CDCA5: variants seen among roughly 807,000 people sequenced by gnomAD.
CDCA5 encodes the protein sororin.
Under a neutral mutation model 25.7 loss-of-function variants are expected in CDCA5, and 14 were observed. That is an observed-to-expected ratio of 0.54 (90% CI 0.36 to 0.85). The LOEUF (loss-of-function observed/expected upper bound fraction) is 0.85, where lower values mean the gene tolerates loss of function less well. Among genes scored for constraint, CDCA5 ranks in the 40% least tolerant of loss-of-function variants. The pLI is 0.01. For missense variants in CDCA5, 307 were observed against 324.5 expected (o/e 0.95, Z 0.41); for synonymous variants, 127 against 128.7 (o/e 0.99, Z 0.09).
chr11:65,067,801 A>C, intron 3 of CDCA5: 1 of 796,774 alleles, frequency 1.3e-6, no homozygotes, highest in Non-Finnish European at 1.8e-6. Context: ...CTAGGGGATG[A>C]GGGAAGTGGG....
chr11:65,077,566 C>A lies in CDCA5; in HGVS notation c.*1541G>T, dbSNP rs529837725. Reference sequence around the variant, plus strand: ...GAGAACTTTGCAATGATGATCTCAACTCTGCATCATCTGGTGACTCCTGAT... The same window carrying A: ...GAGAACTTTGCAATGATGATCTCAAATCTGCATCATCTGGTGACTCCTGAT... On this transcript the variant is annotated 3_prime_UTR_variant, in exon 6 of 6. Transcript: ENST00000275517. 3.1e-5 allele frequency: 31 copies of A among 985,416 alleles called. No homozygotes were observed. The South Asian group carries it at 1.4e-3, about 45-fold the overall frequency. The allele number at this position is 985,416 out of a possible 1,614,324, so 61.0% of individuals were successfully genotyped here.
chr11:65,083,040 C>T (rs1255994585), intron 4 of CDCA5, among the ~76,000 whole-genome samples: 2 of 152,120 alleles, frequency 1.3e-5, no homozygotes, highest in Non-Finnish European at 2.9e-5. Flanking sequence ...GTAAAAATGT[C>T]ATACACATGA....
chr11:65,066,955 C>T (rs1947250640), intron 4 of CDCA5: 1 of 1,089,414 alleles, frequency 9.2e-7, no homozygotes, highest in African/African-American at 1.6e-5. Flanking sequence ...CCTCCCACCT[C>T]CTGCTTCAGC....
chr11:65,083,172 G>A, intron 4 of CDCA5, 192 bp downstream of exon 4: 1 of 620,198 alleles, frequency 1.6e-6, no homozygotes. Context: ...AAATACACAA[G>A]GCATAAAAAG....
chr11:65,082,995 T>A (rs1947604483), intron 4 of CDCA5, among the ~76,000 whole-genome samples: 1 of 152,186 alleles, frequency 6.6e-6, no homozygotes, highest in Non-Finnish European at 1.5e-5. Flanking sequence ...TGTCTATTAA[T>A]GAAACATCCT....
In CDCA5 at chr11:65,067,509, GCTC is replaced by G. The variant is rs982929683; in HGVS notation, c.368+143_368+145del. On this transcript the variant is annotated intron_variant, in intron 4 of 6. Transcript: ENST00000525464. ...AACAAGCCCCTCCCCCAGACTGAAC[GCTC>G]CTCAAGTTCTTGGACAATTAAAGGT... is the stretch of plus-strand genomic sequence containing the variant. 1.3e-5 allele frequency: 5 copies of G among 387,892 alleles called. No homozygotes were observed. In the Admixed American group the frequency reaches 1.3e-4, roughly 10 times the overall value. 24.0% of individuals were successfully genotyped at this position (387,892 alleles called of 1,614,324 possible). A position where few individuals can be genotyped will look rare whatever the true frequency, so the allele number is the denominator to read the frequency against.
In CDCA5 at chr11:65,083,487, C is replaced by T; in HGVS notation, c.205G>A (p.Glu69Lys). ...ACAACACTCTCCTTAGCCTTTACCT[C>T]TACAGCATGGGCCACGATCCTCTTT... ...VLKRIVAHAV[E>K]VPAVQSPRRS... Residue 69 changes from glutamate to lysine, a missense_variant and splice_region_variant, in exon 3 of 6, where the codon GAG becomes AAG. Physicochemically the swap from Glu to Lys is moderately conservative, Grantham distance 56. Transcript: ENST00000275517. 1.9e-6 allele frequency: 3 copies of T among 1,614,222 alleles called. No individual in the cohort carries two copies. The highest frequency in any genetic ancestry group is 2.5e-6 in the Non-Finnish European group (3 of 1,180,038).
At chr11:65,079,271 C>T in intron 5 of CDCA5, 82 bp downstream of exon 5, 1 of 1,608,560 alleles carries the variant, frequency 6.2e-7, no homozygotes, top group Non-Finnish European at 8.5e-7. Flanking sequence ...CAGGTGCTGC[C>T]TATCCCCCAA....
downstream of CDCA5, among the ~76,000 whole-genome samples, chr11:65,076,949 C>T (rs1947457861): frequency 1.3e-5 from 2 of 152,122 alleles, no homozygotes; most frequent in Non-Finnish European, 2.9e-5. Context: ...TTTCTTCCTC[C>T]TAGAAGAGGA....
intron 2 of CDCA5, chr11:65,068,252 T>A: frequency 1.9e-6 from 1 of 519,264 alleles, no homozygotes; most frequent in Non-Finnish European, 3.2e-6. Context: ...CCCCACCCTG[T>A]AGGGAAAGCC....
intron 1 of CDCA5, among the ~76,000 whole-genome samples, chr11:65,072,250 C>T (rs557254004): frequency 6.6e-6 from 1 of 152,204 alleles, no homozygotes; most frequent in African/African-American, 2.4e-5. Context: ...TGTCAGGGAG[C>T]CTGCCAACCT....
In CDCA5 at chr11:65,083,685, AC is replaced by A. The variant is rs746920984; in HGVS notation, c.84del (p.Arg28SerfsTer33). The A allele has an allele frequency of 6.2e-7, 1 of 1,614,046 alleles. No homozygotes were observed. The highest frequency in any genetic ancestry group is 2.2e-5 in the East Asian group (1 of 44,870). On this transcript the variant is annotated frameshift_variant, in exon 2 of 6. Coordinates refer to ENST00000275517, the MANE Select transcript of CDCA5 (RefSeq NM_080668.4). LOFTEE classifies it high-confidence loss of function. ...AGTTCAGAGCCTGATTTCCGCTGGG[AC>A]CTCCGCAGAGGCTTAGTAGGAGATG... ...RAPSPTKPLR[R>X]SQRKSGSELP...
chr11:65,080,845 C>T (rs1947550142), intron 4 of CDCA5, among the ~76,000 whole-genome samples: 1 of 152,142 alleles, frequency 6.6e-6, no homozygotes. Context: ...TAAGAAAATT[C>T]AGTATTATGT....
At chr11:65,066,714 C>A (rs964192724) in intron 5 of CDCA5, 1 of 1,286,708 alleles carries the variant, frequency 7.8e-7, no homozygotes, top group African/African-American at 1.5e-5. Context: ...AGGTGGGTAG[C>A]CAGCCATGCA....
At chr11:65,072,432 G>A (rs549450322) in intron 1 of CDCA5, among the ~76,000 whole-genome samples, 117 of 152,364 alleles carry the variant, frequency 7.7e-4, no homozygotes, top group Non-Finnish European at 1.5e-3. Flanking sequence ...TGTGGAGAGG[G>A]AGGGTGAAGT....
rs1317845484 is a variant in CDCA5, at chr11:65,077,878, G to A, written c.*1229C>T. 1.6e-5 allele frequency: 16 copies of A among 985,626 alleles called. No individual in the cohort carries two copies. The highest frequency in any genetic ancestry group is 1.8e-5 in the Non-Finnish European group (15 of 830,122). 61.1% of individuals were successfully genotyped at this position (985,626 alleles called of 1,614,324 possible). On this transcript the variant is annotated 3_prime_UTR_variant, in exon 6 of 6. Coordinates refer to ENST00000275517, the MANE Select transcript of CDCA5 (RefSeq NM_080668.4). ...CACCAGCTCCTCTGCACACCTCAGCGTCTACTTCCACGAACTTCTAAACAT... is the reference window on the plus strand; with the variant it reads ...CACCAGCTCCTCTGCACACCTCAGCATCTACTTCCACGAACTTCTAAACAT...
At chr11:65,075,627 C>T (rs770067537), downstream of CDCA5, among the ~76,000 whole-genome samples, 2 of 152,022 alleles carry the variant, frequency 1.3e-5, no homozygotes, top group Non-Finnish European at 2.9e-5. Flanking sequence ...GTTCCTGGCC[C>T]GTGTGACTGT....
downstream of CDCA5, among the ~76,000 whole-genome samples, chr11:65,065,845 G>A (rs914385512): frequency 2.0e-5 from 3 of 151,966 alleles, no homozygotes; most frequent in Non-Finnish European, 2.9e-5. Context: ...TAGGATGCGG[G>A]CCCTTGGGGA....
downstream of CDCA5, among the ~76,000 whole-genome samples, chr11:65,075,064 A>G (rs1425793638): frequency 3.0e-3 from 16 of 5,420 alleles, no homozygotes; most frequent in Non-Finnish European, 0.017. Flanking sequence ...CTCCGTCTCA[A>G]AAAAAAAAAA....
Sources: allele counts gnomAD v4.1 joint callset (sites outside exome capture counted in the v4.1 genomes callset), GRCh38; gene constraint gnomAD v4.1.1; transcripts MANE v1.5; gene names NCBI Gene and HGNC (gene_info 2026-07-23, HGNC 2026-07-21).